The following WWOX variants were observed in gnomAD, a reference collection of about 807,000 sequenced individuals.
WWOX encodes WW domain-containing oxidoreductase.
Under a neutral mutation model 46.2 loss-of-function variants are expected in WWOX, and 69 were observed. The observed-to-expected ratio is 1.49, with a 90% CI of 1.23 to 1.82. WWOX has a LOEUF of 1.82. Among genes scored for constraint, WWOX ranks in the 40% most tolerant of loss-of-function variants. WWOX has a pLI of 0.00. For missense variants in WWOX, 919 were observed against 542.6 expected, an observed-to-expected ratio of 1.69 and a Z score of -6.89; for synonymous variants, 359 against 202.6, an observed-to-expected ratio of 1.77 and a Z score of -6.56.
chr16:78,669,254 G>T (rs957114392), intron 8 of WWOX, among the ~76,000 whole-genome samples: 1 of 152,226 alleles, frequency 6.6e-6, no homozygotes, highest in Non-Finnish European at 1.5e-5. Context: ...CCTCACATTT[G>T]CTGTCCCAAG....
At chr16:78,496,200 C>A (rs2084914839) in intron 8 of WWOX, 2 of 152,192 alleles carry the variant, frequency 1.3e-5, no homozygotes, top group African/African-American at 4.8e-5. Context: ...TCACTCCTGA[C>A]TACTTGAAAC....
At chr16:78,384,059 AAATAC>A (rs2082010250) in intron 5 of WWOX, among the ~76,000 whole-genome samples, 1 of 152,190 alleles carries the variant, frequency 6.6e-6, no homozygotes, top group Admixed American at 6.5e-5. Context: ...ATTTTTGTTG[AAATAC>A]TGCTTTGGGG....
chr16:78,613,885 A>G (rs536597714), intron 8 of WWOX, among the ~76,000 whole-genome samples: 109 of 152,326 alleles, frequency 7.2e-4, no homozygotes, highest in African/African-American at 2.5e-3. Context: ...TTCACAGCCC[A>G]TAGGCCAAAT....
intron 8 of WWOX, among the ~76,000 whole-genome samples, chr16:78,938,927 C>G (rs2045796862): frequency 6.6e-6 from 1 of 152,122 alleles, no homozygotes; most frequent in African/African-American, 2.4e-5. Context: ...AGGGGGAATG[C>G]TGGCTTAGCA....
At chr16:79,208,213 T>G (rs950581977) in intron 8 of WWOX, among the ~76,000 whole-genome samples, 2 of 152,208 alleles carry the variant, frequency 1.3e-5, no homozygotes, top group African/African-American at 4.8e-5. Flanking sequence ...AGATCGGAAA[T>G]GGCATTCGGG....
intron 8 of WWOX, among the ~76,000 whole-genome samples, chr16:78,485,768 C>G (rs1461303612): frequency 6.6e-6 from 1 of 152,158 alleles, no homozygotes; most frequent in African/African-American, 2.4e-5. Context: ...CCAAGGATCC[C>G]TCTCCCCAGC....
intron 8 of WWOX, among the ~76,000 whole-genome samples, chr16:78,754,481 T>A (rs2049585211): frequency 6.6e-6 from 1 of 152,204 alleles, no homozygotes; most frequent in East Asian, 1.9e-4. Context: ...ACCTACCGCT[T>A]TCTTTTCCTC....
intron 8 of WWOX, among the ~76,000 whole-genome samples, chr16:79,043,202 GA>G (rs112852442): frequency 2.7e-5 from 4 of 150,936 alleles, no homozygotes; most frequent in African/African-American, 7.3e-5. Context: ...TTTTTTAAAT[GA>G]AAAAAAAATC....
At chr16:79,173,319 G>A (rs1030033063) in intron 8 of WWOX, among the ~76,000 whole-genome samples, 1 of 136,708 alleles carries the variant, frequency 7.3e-6, no homozygotes, top group Admixed American at 7.7e-5. Context: ...TCTTAGAGAC[G>A]TAAAAACACT....
At chr16:78,388,824 C>G (rs2082115576) in intron 6 of WWOX, among the ~76,000 whole-genome samples, 1 of 151,858 alleles carries the variant, frequency 6.6e-6, no homozygotes, top group African/African-American at 2.4e-5. Flanking sequence ...GCAAAATTAA[C>G]TGGGCGGGGA....
intron 8 of WWOX, among the ~76,000 whole-genome samples, chr16:79,010,718 G>A (rs2047286472): frequency 6.6e-6 from 1 of 151,940 alleles, no homozygotes; most frequent in African/African-American, 2.4e-5. Flanking sequence ...GTTTGGCCAT[G>A]GGTACCAAGG....
At position 78,746,012 on chromosome 16, in the gene WWOX, A is replaced by T. The variant is rs1456346829; in HGVS notation, c.1056+313260A>T. 3.3e-5 allele frequency among the ~76,000 whole-genome samples: 5 copies of T among 152,236 alleles called. No individual in the cohort carries two copies. In the East Asian group the frequency reaches 7.7e-4, roughly 24 times the overall value. ...TCAGAAGGCTACTGGGAAGGGCCAT[A>T]ATCTGTATCCATCCACAAGGAGAGG... is the stretch of plus-strand genomic sequence containing the variant. On this transcript the variant is annotated intron_variant, in intron 8 of 8. Coordinates refer to ENST00000566780, the MANE Select transcript of WWOX (RefSeq NM_016373.4).
At chr16:78,540,310 C>T (rs72803932) in intron 8 of WWOX, among the ~76,000 whole-genome samples, 9 of 151,638 alleles carry the variant, frequency 5.9e-5, no homozygotes, top group African/African-American at 2.2e-4. Context: ...TATCATGTAT[C>T]TCTTTAAAAT....
chr16:78,193,491 T>C (rs944243658), intron 5 of WWOX, among the ~76,000 whole-genome samples: 8 of 152,388 alleles, frequency 5.2e-5, no homozygotes, highest in East Asian at 1.9e-4. Context: ...CGGTGGTCTT[T>C]TCAGTGATCA....
intron 4 of WWOX, among the ~76,000 whole-genome samples, chr16:78,127,887 C>G (rs1202882460): frequency 6.6e-6 from 1 of 152,148 alleles, no homozygotes; most frequent in Non-Finnish European, 1.5e-5. Flanking sequence ...CACAGATTGT[C>G]CTTAACTTGG....
intron 5 of WWOX, chr16:78,355,434 C>T (rs903951583): frequency 3.3e-6 from 1 of 307,652 alleles, no homozygotes; most frequent in Non-Finnish European, 6.3e-6. Context: ...AACCGTGTCT[C>T]TACTAAAAGT....
chr16:78,808,158 C>T (rs991194442), intron 8 of WWOX, among the ~76,000 whole-genome samples: 2 of 152,178 alleles, frequency 1.3e-5, no homozygotes, highest in African/African-American at 4.8e-5. Flanking sequence ...TTTTGGCACC[C>T]ATGTTATTCC....
chr16:78,367,237 C>A (rs2081556832), intron 5 of WWOX, among the ~76,000 whole-genome samples: 1 of 152,070 alleles, frequency 6.6e-6, no homozygotes, highest in Admixed American at 6.6e-5. Flanking sequence ...CCTCGCCCTC[C>A]CAAAGTGCTG....
At chr16:78,240,042 C>A in intron 5 of WWOX, among the ~76,000 whole-genome samples, 1 of 152,086 alleles carries the variant, frequency 6.6e-6, no homozygotes, top group East Asian at 1.9e-4. Flanking sequence ...AGCGTCTCCC[C>A]AAAATCCACA....
Sources: allele counts gnomAD v4.1 joint callset (sites outside exome capture counted in the v4.1 genomes callset), GRCh38; gene constraint gnomAD v4.1.1; transcripts MANE v1.5; gene names NCBI Gene and HGNC (gene_info 2026-07-23, HGNC 2026-07-21).